The following FSTL5 variants were observed in gnomAD, a reference collection of about 807,000 sequenced individuals.
FSTL5 encodes follistatin like 5.
A neutral mutation model predicts 89.1 loss-of-function variants in FSTL5; 62 were observed. That is an observed-to-expected ratio of 0.70 (90% CI 0.57 to 0.86). The LOEUF (loss-of-function observed/expected upper bound fraction) is 0.86. Ranked by LOEUF, FSTL5 falls within the 40% of genes least tolerant of loss-of-function variation. The probability of loss-of-function intolerance (pLI) is 0.00; values close to 1 mark genes in which losing one functional copy is unlikely to be tolerated. For missense variants in FSTL5, 1,057 were observed against 1,001.6 expected, an observed-to-expected ratio of 1.06 and a Z score of -0.75; for synonymous variants, 383 against 346.2, an observed-to-expected ratio of 1.11 and a Z score of -1.18.
At chr4:161,655,117 G>A (rs1055592875) in intron 7 of FSTL5, among the ~76,000 whole-genome samples, 2 of 152,148 alleles carry the variant, frequency 1.3e-5, no homozygotes, top group African/African-American at 4.8e-5. Flanking sequence ...AGCAAAAAGT[G>A]TCTTTATTGT....
intron 15 of FSTL5, among the ~76,000 whole-genome samples, chr4:161,437,394 G>A (rs1222576061): frequency 2.0e-5 from 3 of 151,740 alleles, no homozygotes; most frequent in Admixed American, 6.6e-5. Context: ...GTGAAACCCC[G>A]TCTCTACTGA....
intron 5 of FSTL5, among the ~76,000 whole-genome samples, chr4:161,761,605 C>G (rs1740807276): frequency 6.6e-6 from 1 of 152,206 alleles, no homozygotes; most frequent in Non-Finnish European, 1.5e-5. Flanking sequence ...ATGTATTAGA[C>G]CAAGATATTG....
intron 6 of FSTL5, among the ~76,000 whole-genome samples, chr4:161,699,690 A>G (rs1738307929): frequency 6.6e-6 from 1 of 152,224 alleles, no homozygotes; most frequent in East Asian, 1.9e-4. Flanking sequence ...AAATGTTAGG[A>G]CAAAATTAGT....
intron 4 of FSTL5, among the ~76,000 whole-genome samples, chr4:161,888,623 T>C (rs184312220): frequency 3.0e-4 from 46 of 152,270 alleles, no homozygotes; most frequent in African/African-American, 1.1e-3. Context: ...GCTGTCTTTA[T>C]TCAAACATAA....
intron 4 of FSTL5, among the ~76,000 whole-genome samples, chr4:161,879,321 TTCC>T (rs1732551124): frequency 6.6e-6 from 1 of 152,186 alleles, no homozygotes; most frequent in South Asian, 2.1e-4. Flanking sequence ...CTGTAATAGC[TTCC>T]TACCTGGGCC....
At chr4:161,969,477 G>C (rs975854690) in intron 3 of FSTL5, among the ~76,000 whole-genome samples, 2 of 152,054 alleles carry the variant, frequency 1.3e-5, no homozygotes, top group South Asian at 4.1e-4. Flanking sequence ...AGAAAAGATA[G>C]AGAGATCAAA....
intron 2 of FSTL5, among the ~76,000 whole-genome samples, chr4:162,109,178 G>C (rs565007151): frequency 6.6e-6 from 1 of 151,984 alleles, no homozygotes; most frequent in Admixed American, 6.6e-5. Flanking sequence ...TCCTAATCTT[G>C]ACTGACACAA....
At chr4:161,827,643 T>C (rs1730707547) in intron 4 of FSTL5, among the ~76,000 whole-genome samples, 1 of 152,122 alleles carries the variant, frequency 6.6e-6, no homozygotes, top group Non-Finnish European at 1.5e-5. Flanking sequence ...CTGTGGAAGA[T>C]GGGGGCATGG....
At chr4:162,162,214 T>G (rs1292757086) in intron 1 of FSTL5, among the ~76,000 whole-genome samples, 1 of 152,114 alleles carries the variant, frequency 6.6e-6, no homozygotes, top group Non-Finnish European at 1.5e-5. Flanking sequence ...ATCATAAAAT[T>G]CTAAAGCTAA....
At chr4:161,920,121 G>C (rs1474193857) in intron 4 of FSTL5, among the ~76,000 whole-genome samples, 1 of 152,132 alleles carries the variant, frequency 6.6e-6, no homozygotes, top group Non-Finnish European at 1.5e-5. Flanking sequence ...TGGCCACCCT[G>C]TGTCCCTAAG....
intron 7 of FSTL5, among the ~76,000 whole-genome samples, chr4:161,605,722 C>T (rs978913694): frequency 1.3e-5 from 2 of 152,146 alleles, no homozygotes; most frequent in Non-Finnish European, 2.9e-5. Flanking sequence ...AGTGGAGAAC[C>T]ATTTCCTGTC....
chr4:161,913,962 T>C (rs895322088), intron 4 of FSTL5, among the ~76,000 whole-genome samples: 2 of 152,182 alleles, frequency 1.3e-5, no homozygotes, highest in African/African-American at 4.8e-5. Context: ...GGGTTAATGC[T>C]GAAATTAGTT....
chr4:162,137,755 C>T (rs756332223), intron 1 of FSTL5, among the ~76,000 whole-genome samples: 12 of 152,276 alleles, frequency 7.9e-5, no homozygotes, highest in East Asian at 1.9e-4. Context: ...AGACAAAAAA[C>T]GCTTTTGTTT....
intron 2 of FSTL5, among the ~76,000 whole-genome samples, chr4:162,035,947 C>A (rs1737720992): frequency 6.6e-6 from 1 of 152,010 alleles, no homozygotes; most frequent in South Asian, 2.1e-4. Context: ...TGTACTTATT[C>A]CTTCTTCACC....
intron 3 of FSTL5, among the ~76,000 whole-genome samples, chr4:161,930,702 G>C (rs1267406145): frequency 6.6e-6 from 1 of 151,758 alleles, no homozygotes; most frequent in Non-Finnish European, 1.5e-5. Flanking sequence ...ATCTATGCTC[G>C]TAAACTCATT....
chr4:161,429,763 C>A (rs4432710), intron 15 of FSTL5, among the ~76,000 whole-genome samples: 1 of 152,020 alleles, frequency 6.6e-6, no homozygotes, highest in African/African-American at 2.4e-5. Context: ...TACGAAGATC[C>A]CAGACTGTGA....
intron 11 of FSTL5, among the ~76,000 whole-genome samples, chr4:161,507,794 A>T (rs1004290935): frequency 6.6e-6 from 1 of 151,864 alleles, no homozygotes; most frequent in Non-Finnish European, 1.5e-5. Context: ...GCTCATGTTT[A>T]AAAAAATAAT....
chr4:161,447,539 C>T (rs1222761425), intron 15 of FSTL5, among the ~76,000 whole-genome samples: 1 of 152,026 alleles, frequency 6.6e-6, no homozygotes, highest in African/African-American at 2.4e-5. Flanking sequence ...ACAGGGTTCT[C>T]TAACTCAAGA....
intron 4 of FSTL5, among the ~76,000 whole-genome samples, chr4:161,832,296 T>C (rs759567083): frequency 1.3e-5 from 2 of 152,096 alleles, no homozygotes; most frequent in Non-Finnish European, 2.9e-5. Context: ...GGTGAGACGA[T>C]CCTTCCAGAT....
Sources: gnomAD v4.1 joint callset for allele counts (sites outside exome capture counted in the v4.1 genomes callset) on GRCh38, gnomAD v4.1.1 for gene constraint, MANE v1.5 for transcripts, NCBI Gene and HGNC (gene_info 2026-07-23, HGNC 2026-07-21) for gene names.